Variants in CRYZL1 observed in about 807,000 individuals in gnomAD.
The protein encoded by CRYZL1 is ferry endosomal RAB5 effector complex subunit 4.
Under a neutral mutation model 50.6 loss-of-function variants are expected in CRYZL1, and 34 were observed. That is an observed-to-expected ratio of 0.67 (90% CI 0.51 to 0.89). The LOEUF (loss-of-function observed/expected upper bound fraction) is 0.89, where lower values mean the gene tolerates loss of function less well. Ranked by LOEUF, CRYZL1 falls within the 40% of genes least tolerant of loss-of-function variation. The pLI is 0.00. For synonymous variants in CRYZL1, 125 were observed against 134.3 expected (o/e 0.93, Z 0.48); for missense variants, 354 against 402.3 (o/e 0.88, Z 1.03).
At chr21:33,619,442 C>G (rs1317402849) in intron 4 of CRYZL1, among the ~76,000 whole-genome samples, 1 of 152,260 alleles carries the variant, frequency 6.6e-6, no homozygotes, top group Non-Finnish European at 1.5e-5. Flanking sequence ...AACCAAAGGT[C>G]TGGCCCTTGC....
At chr21:33,629,553 A>G (rs1474275586) in intron 2 of CRYZL1, among the ~76,000 whole-genome samples, 1 of 152,140 alleles carries the variant, frequency 6.6e-6, no homozygotes, top group Non-Finnish European at 1.5e-5. Context: ...GTGAGCCACC[A>G]TGCCCAGCCT....
At chr21:33,620,853 G>C (rs1263663543) in intron 4 of CRYZL1, among the ~76,000 whole-genome samples, 1 of 143,496 alleles carries the variant, frequency 7.0e-6, no homozygotes, top group Admixed American at 7.1e-5. Flanking sequence ...AAAGAAGCTA[G>C]ACAAAGCCAG....
At chr21:33,610,293 C>T (rs757480472) in intron 6 of CRYZL1, among the ~76,000 whole-genome samples, 8 of 151,758 alleles carry the variant, frequency 5.3e-5, no homozygotes, top group South Asian at 2.1e-4. Flanking sequence ...TTGAGTAGCT[C>T]GGACTACAGG....
chr21:33,613,661 G>T, intron 5 of CRYZL1, 55 bp from the exon 6 acceptor site: 1 of 1,195,558 alleles, frequency 8.4e-7, no homozygotes, highest in Non-Finnish European at 1.2e-6. Flanking sequence ...CATTCCTAAT[G>T]AGAGGCCAGT....
chr21:33,635,511 T>C (rs2087195702), intron 1 of CRYZL1, among the ~76,000 whole-genome samples: 1 of 151,332 alleles, frequency 6.6e-6, no homozygotes, highest in African/African-American at 2.4e-5. Flanking sequence ...CCACCACACC[T>C]GGCTAAATTT....
intron 7 of CRYZL1, chr21:33,603,099 G>C (rs1378164465): frequency 3.6e-6 from 1 of 279,604 alleles, no homozygotes; most frequent in East Asian, 6.6e-5. Flanking sequence ...AAAGCTATTA[G>C]GGAATTCTGG....
At chr21:33,627,854 C>A (rs534444979) in intron 2 of CRYZL1, among the ~76,000 whole-genome samples, 1 of 151,262 alleles carries the variant, frequency 6.6e-6, no homozygotes, top group African/African-American at 2.4e-5. Flanking sequence ...ATACCATTCT[C>A]CTGCCTCAGC....
At chr21:33,609,827 T>C (rs531997934) in intron 6 of CRYZL1, among the ~76,000 whole-genome samples, 16 of 151,726 alleles carry the variant, frequency 1.1e-4, no homozygotes, top group African/African-American at 2.2e-4. Flanking sequence ...CTCAGCCTCC[T>C]GAGTAGCTGG....
intron 2 of CRYZL1, among the ~76,000 whole-genome samples, chr21:33,628,441 T>C (rs2087095231): frequency 1.3e-5 from 2 of 152,214 alleles, no homozygotes; most frequent in African/African-American, 2.4e-5. Flanking sequence ...TTCCAATTAA[T>C]GAACATAGAC....
In CRYZL1 at chr21:33,589,598, A is replaced by C; in HGVS notation, c.*224T>G. 3.9e-6 allele frequency: 2 copies of C among 507,398 alleles called. No homozygotes were observed. The highest frequency in any genetic ancestry group is 6.5e-5 in the South Asian group (2 of 30,540). 31.4% of individuals were successfully genotyped at this position (507,398 alleles called of 1,614,324 possible). A position where few individuals can be genotyped will look rare whatever the true frequency, so the allele number is the denominator to read the frequency against. ...GAAACAATGAAAAGGTTTTTAGAAA[A>C]ATTCCCTTAAGATGTTAATTATAGA... On this transcript the variant is annotated 3_prime_UTR_variant, in exon 13 of 13. Transcript: ENST00000381554.
chr21:33,633,734 T>G (rs2087168324), intron 1 of CRYZL1: 1 of 152,242 alleles, frequency 6.6e-6, no homozygotes, highest in South Asian at 2.1e-4. Flanking sequence ...ACCTTTAAGA[T>G]AATAATTAAG....
At chr21:33,612,992 T>C (rs2086889899) in intron 6 of CRYZL1, among the ~76,000 whole-genome samples, 1 of 152,016 alleles carries the variant, frequency 6.6e-6, no homozygotes, top group South Asian at 2.1e-4. Flanking sequence ...CCCAGCTAAT[T>C]TTTTTGTCTT....
At chr21:33,634,663 G>A (rs1425222213) in intron 1 of CRYZL1, among the ~76,000 whole-genome samples, 1 of 151,328 alleles carries the variant, frequency 6.6e-6, no homozygotes, top group East Asian at 1.9e-4. Context: ...GCCTTTTTGA[G>A]AAGTGGAACA....
chr21:33,618,029 C>T (rs559049199), intron 4 of CRYZL1, among the ~76,000 whole-genome samples: 339 of 152,232 alleles, frequency 2.2e-3, no homozygotes, highest in Non-Finnish European at 3.9e-3. Flanking sequence ...GTGGCTCACG[C>T]CTGTAATCCC....
At chr21:33,634,500 T>C (rs1000308063) in intron 1 of CRYZL1, among the ~76,000 whole-genome samples, 2 of 152,178 alleles carry the variant, frequency 1.3e-5, no homozygotes, top group African/African-American at 4.8e-5. Context: ...ATTTGTTCCA[T>C]GCTTCCCGAT....
In CRYZL1 at chr21:33,603,164, T is replaced by TA. The variant is rs2086773642; in HGVS notation, c.465+239dup. On this transcript the variant is annotated intron_variant, in intron 7 of 12. Coordinates refer to ENST00000381554, the MANE Select transcript of CRYZL1 (RefSeq NM_145858.3). ...TTAGGCTTTGTCTAACAGGAATGAA[T>TA]AAAAATGGCTTGTCTTTTTAATGTA... 6 of 446,018 alleles carry TA rather than the reference T, an allele frequency of 1.3e-5. No individual in the cohort carries two copies. In the East Asian group the frequency reaches 2.2e-4, roughly 16 times the overall value. 27.6% of individuals were successfully genotyped at this position (446,018 alleles called of 1,614,324 possible).
At position 33,595,770 on chromosome 21, in the gene CRYZL1, C is replaced by T. The variant is rs2086687629; in HGVS notation, c.865G>A (p.Val289Ile). 6.2e-7 allele frequency: 1 copy of T among 1,614,136 alleles called. No homozygotes were observed. The highest frequency in any genetic ancestry group is 1.7e-5 in the Admixed American group (1 of 60,020). Residue 289 changes from valine to isoleucine, a missense_variant, in exon 11 of 13, where the codon GTT (valine) becomes ATT (isoleucine). Coordinates refer to ENST00000381554, the MANE Select transcript of CRYZL1 (RefSeq NM_145858.3). ...TGTTGTACATTTGACAAATTCCAAA[C>T]TTCATCATTCAGGAAAGCTAACGTT... ...GATLAFLNDE[V>I]WNLSNVQQGK...
intron 6 of CRYZL1, among the ~76,000 whole-genome samples, chr21:33,606,816 C>T (rs929795510): frequency 9.2e-5 from 14 of 152,148 alleles, no homozygotes; most frequent in Middle Eastern, 3.4e-3. Context: ...TCAAGACCAG[C>T]CTGACCAACA....
intron 4 of CRYZL1, among the ~76,000 whole-genome samples, chr21:33,618,256 T>G (rs1285484418): frequency 2.4e-5 from 3 of 124,974 alleles, no homozygotes; most frequent in Non-Finnish European, 4.7e-5. Flanking sequence ...GCCACTGCAC[T>G]CCAGCCTGGG....
Sources: allele counts gnomAD v4.1 joint callset (sites outside exome capture counted in the v4.1 genomes callset), GRCh38; gene constraint gnomAD v4.1.1; transcripts MANE v1.5; gene names NCBI Gene and HGNC (gene_info 2026-07-23, HGNC 2026-07-21).